Variants in DPP10 observed in about 807,000 individuals in gnomAD.
DPP10 encodes the protein dipeptidyl peptidase like 10, also known as inactive dipeptidyl peptidase 10.
Under a neutral mutation model 120.9 loss-of-function variants are expected in DPP10, and 33 were observed. The ratio of observed to expected loss-of-function variants is 0.27; its 90% CI spans 0.21 to 0.37. The LOEUF is 0.37. Ranked by LOEUF, DPP10 falls within the 10% of genes least tolerant of loss-of-function variation. The probability of loss-of-function intolerance (pLI) is 1.00; values close to 1 mark genes in which losing one functional copy is unlikely to be tolerated. For synonymous variants in DPP10, 337 were observed against 326.1 expected (o/e 1.03, Z -0.36); for missense variants, 816 against 942.8 (o/e 0.87, Z 1.76).
intron 17 of DPP10, among the ~76,000 whole-genome samples, chr2:115,784,303 C>T (rs972629491): frequency 6.6e-6 from 1 of 151,846 alleles, no homozygotes; most frequent in Admixed American, 6.6e-5. Flanking sequence ...CATTTTTGGG[C>T]CACATGAAGT....
intron 3 of DPP10, among the ~76,000 whole-genome samples, chr2:115,376,417 A>G (rs1315072424): frequency 6.6e-6 from 1 of 152,076 alleles, no homozygotes; most frequent in Admixed American, 6.6e-5. Flanking sequence ...GTATTGTATT[A>G]CCAAGTGGAG....
intron 1 of DPP10, among the ~76,000 whole-genome samples, chr2:114,779,145 T>A (rs1485205277): frequency 6.6e-6 from 1 of 152,056 alleles, no homozygotes. Context: ...GGCCTTCTCA[T>A]CAGTGTATAC....
chr2:114,675,312 A>T (rs551858469), intron 1 of DPP10, among the ~76,000 whole-genome samples: 30 of 152,216 alleles, frequency 2.0e-4, no homozygotes, highest in South Asian at 4.1e-4. Context: ...CTGATTTTTT[A>T]AAAAAATGAC....
intron 1 of DPP10, among the ~76,000 whole-genome samples, chr2:114,521,697 G>A (rs1298148687): frequency 6.6e-6 from 1 of 151,926 alleles, no homozygotes; most frequent in East Asian, 1.9e-4. Context: ...TAGAAAGTCT[G>A]TGGCCATCCA....
intron 5 of DPP10, among the ~76,000 whole-genome samples, chr2:115,597,451 T>G (rs2083059564): frequency 6.6e-6 from 1 of 151,636 alleles, no homozygotes; most frequent in Admixed American, 6.6e-5. Flanking sequence ...TGTACATAAT[T>G]TAGAAAAAAG....
chr2:115,153,368 GT>G (rs1187369777), intron 1 of DPP10, among the ~76,000 whole-genome samples: 1 of 152,174 alleles, frequency 6.6e-6, no homozygotes, highest in Admixed American at 6.5e-5. Context: ...TCCACTCAGT[GT>G]TCTTATGTTG....
chr2:114,494,498 T>A (rs185292714), intron 1 of DPP10, among the ~76,000 whole-genome samples: 8 of 152,240 alleles, frequency 5.3e-5, no homozygotes. Flanking sequence ...AGTTTGACAG[T>A]TGTGCATGGA....
intron 1 of DPP10, among the ~76,000 whole-genome samples, chr2:114,519,514 A>G (rs1429703140): frequency 6.6e-6 from 1 of 152,226 alleles, no homozygotes; most frequent in African/African-American, 2.4e-5. Context: ...AGACATTTCC[A>G]GTCCTGCACA....
chr2:115,705,109 T>C (rs1362714213), intron 7 of DPP10, among the ~76,000 whole-genome samples: 1 of 152,042 alleles, frequency 6.6e-6, no homozygotes, highest in Non-Finnish European at 1.5e-5. Context: ...CCTCAAATTA[T>C]GAGCAATGGT....
chr2:115,064,785 C>A (rs1352329156), intron 1 of DPP10: 1 of 1,303,966 alleles, frequency 7.7e-7, no homozygotes, highest in African/African-American at 1.5e-5. Context: ...GGCTGAGGGA[C>A]CAGTAGATGG....
At chr2:114,469,624 A>G (rs1415452354) in intron 1 of DPP10, among the ~76,000 whole-genome samples, 1 of 152,118 alleles carries the variant, frequency 6.6e-6, no homozygotes, top group Non-Finnish European at 1.5e-5. Context: ...GCTAGTCAGG[A>G]GGCTGAGGCA....
rs191742427 is a variant in DPP10 at position 114,594,563 on chromosome 2, A to C, written c.60+151725A>C. Among the ~76,000 whole-genome samples, 378 of 132,414 alleles carry C rather than the reference A, an allele frequency of 2.9e-3. 1 individual carries two copies. The highest frequency in any genetic ancestry group is 4.7e-3 in the Non-Finnish European group (276 of 58,562). 86.9% of individuals were successfully genotyped at this position (132,414 alleles called of 152,430 possible). A position where few individuals can be genotyped will look rare whatever the true frequency, so the allele number is the denominator to read the frequency against. ...TATATTATATATACATATATTATGTATACATATATACATATATATCTCATA... is the reference window on the plus strand; with the variant it reads ...TATATTATATATACATATATTATGTCTACATATATACATATATATCTCATA... On this transcript the variant is annotated intron_variant, in intron 1 of 25. Transcript: ENST00000410059.
intron 1 of DPP10, among the ~76,000 whole-genome samples, chr2:114,736,670 G>C (rs1677471319): frequency 6.6e-6 from 1 of 152,192 alleles, no homozygotes; most frequent in Non-Finnish European, 1.5e-5. Context: ...AACAGAAATA[G>C]AGGTTTGAAT....
intron 4 of DPP10, among the ~76,000 whole-genome samples, chr2:115,508,739 C>G (rs926344438): frequency 1.2e-4 from 19 of 152,220 alleles, no homozygotes; most frequent in Non-Finnish European, 2.5e-4. Context: ...CCCATCTCTA[C>G]TAAAAATACA....
chr2:114,866,035 C>G (rs1336787773), intron 1 of DPP10, among the ~76,000 whole-genome samples: 1 of 151,898 alleles, frequency 6.6e-6, no homozygotes, highest in African/African-American at 2.4e-5. Flanking sequence ...TCGCTTGAAC[C>G]TGGGGGGCGG....
At chr2:114,668,356 G>C (rs891395548) in intron 1 of DPP10, among the ~76,000 whole-genome samples, 3 of 152,140 alleles carry the variant, frequency 2.0e-5, no homozygotes, top group African/African-American at 7.2e-5. Flanking sequence ...TCCTAGCGCA[G>C]AAAGAAAGAG....
intron 1 of DPP10, among the ~76,000 whole-genome samples, chr2:115,276,597 A>T (rs1016998170): frequency 6.6e-6 from 1 of 152,208 alleles, no homozygotes; most frequent in African/African-American, 2.4e-5. Flanking sequence ...CTCCAGGGGA[A>T]CTTAATGATG....
chr2:114,807,539 T>C (rs1684835493), intron 1 of DPP10, among the ~76,000 whole-genome samples: 2 of 152,238 alleles, frequency 1.3e-5, no homozygotes, highest in South Asian at 4.1e-4. Flanking sequence ...ATAACTTCCT[T>C]ATTTGGTTTA....
chr2:115,559,624 C>G (rs1479467865), intron 5 of DPP10, among the ~76,000 whole-genome samples: 2 of 151,802 alleles, frequency 1.3e-5, no homozygotes, highest in African/African-American at 4.8e-5. Flanking sequence ...TATTAATAAT[C>G]AAAGTTATTA....
Sources: allele counts gnomAD v4.1 joint callset (sites outside exome capture counted in the v4.1 genomes callset), GRCh38; gene constraint gnomAD v4.1.1; transcripts MANE v1.5; gene names NCBI Gene and HGNC (gene_info 2026-07-23, HGNC 2026-07-21).